Variants in CADM2 observed in about 807,000 individuals in gnomAD.
CADM2 encodes cell adhesion molecule 2.
A neutral mutation model predicts 49.8 loss-of-function variants in CADM2; 12 were observed. That is an observed-to-expected ratio of 0.24 (90% CI 0.15 to 0.39). CADM2 has a LOEUF of 0.39. Ranked by LOEUF, CADM2 falls within the 10% of genes least tolerant of loss-of-function variation. CADM2 has a pLI of 1.00. For synonymous variants in CADM2, 214 were observed against 175.4 expected, an observed-to-expected ratio of 1.22 and a Z score of -1.74; for missense variants, 378 against 492.3, an observed-to-expected ratio of 0.77 and a Z score of 2.20.
intron 8 of CADM2, among the ~76,000 whole-genome samples, chr3:86,056,383 A>C (rs1215013303): frequency 6.6e-6 from 1 of 152,240 alleles, no homozygotes; most frequent in Non-Finnish European, 1.5e-5. Context: ...TTTTCCAAAA[A>C]TAGAAATACC....
chr3:85,660,849 C>T (rs1335656404), intron 1 of CADM2, among the ~76,000 whole-genome samples: 7 of 151,714 alleles, frequency 4.6e-5, no homozygotes, highest in African/African-American at 1.7e-4. Flanking sequence ...TTTTTTCCCT[C>T]CGTCTTTCTC....
At chr3:84,963,619 C>T (rs2030737055) in intron 1 of CADM2, among the ~76,000 whole-genome samples, 1 of 151,990 alleles carries the variant, frequency 6.6e-6, no homozygotes, top group Admixed American at 6.6e-5. Flanking sequence ...TTATTTGTTA[C>T]ATTTAGTAAA....
At position 85,727,322 on chromosome 3, in the gene CADM2, G is replaced by C. The variant is rs149948921; in HGVS notation, c.88+774G>C. Among the ~76,000 whole-genome samples the C allele has an allele frequency of 1.4e-4, 22 of 152,102 alleles. No homozygotes were observed. In the East Asian group the frequency reaches 4.3e-3, roughly 29 times the overall value. On this transcript the variant is annotated intron_variant, in intron 2 of 9. Coordinates refer to ENST00000383699, the MANE Select transcript of CADM2 (RefSeq NM_001167675.2). Reference sequence around the variant, plus strand: ...GTTTTACAGCTAGTTTTAATACTATGACATACGCTCATCTTTGAAGTGTTA... The same window carrying C: ...GTTTTACAGCTAGTTTTAATACTATCACATACGCTCATCTTTGAAGTGTTA...
intron 1 of CADM2, among the ~76,000 whole-genome samples, chr3:85,308,673 A>G (rs185160450): frequency 9.2e-5 from 14 of 152,162 alleles, no homozygotes; most frequent in Admixed American, 7.9e-4. Flanking sequence ...TTTGCAGTGT[A>G]TGAAGACAGA....
chr3:85,909,951 T>G (rs1717342866), intron 5 of CADM2, among the ~76,000 whole-genome samples: 1 of 152,190 alleles, frequency 6.6e-6, no homozygotes, highest in Non-Finnish European at 1.5e-5. Context: ...TCTCAATGTT[T>G]TTTCTGTTCA....
At chr3:85,838,476 T>C (rs1389689942) in intron 3 of CADM2, among the ~76,000 whole-genome samples, 1 of 151,834 alleles carries the variant, frequency 6.6e-6, no homozygotes, top group Non-Finnish European at 1.5e-5. Context: ...TATAAACTGC[T>C]TATTAGCACA....
rs545099967 is a variant in CADM2 at position 85,218,566 on chromosome 3, G to A, written c.61+258898G>A. ...TAATCCCAGCACTTTTGGAGCCCGAGGTGGGTGGATCATGAGATTAAGAGA... is the reference window on the plus strand; with the variant it reads ...TAATCCCAGCACTTTTGGAGCCCGAAGTGGGTGGATCATGAGATTAAGAGA... On this transcript the variant is annotated intron_variant, in intron 1 of 9. Transcript: ENST00000383699. Among the ~76,000 whole-genome samples the A allele has an allele frequency of 3.3e-5, 5 of 152,248 alleles. No individual in the cohort carries two copies. In the East Asian group the frequency reaches 9.7e-4, roughly 29 times the overall value.
chr3:85,088,518 A>G (rs2037469605), intron 1 of CADM2, among the ~76,000 whole-genome samples: 1 of 152,134 alleles, frequency 6.6e-6, no homozygotes, highest in Non-Finnish European at 1.5e-5. Context: ...TCTGGCATAT[A>G]AGATAATATC....
intron 1 of CADM2, among the ~76,000 whole-genome samples, chr3:85,430,270 C>T (rs907922678): frequency 3.3e-5 from 5 of 152,064 alleles, no homozygotes; most frequent in African/African-American, 7.2e-5. Flanking sequence ...TTAGCAAAAT[C>T]CTCCCGTGGA....
intron 1 of CADM2, among the ~76,000 whole-genome samples, chr3:85,663,668 C>G (rs1251983979): frequency 2.6e-5 from 4 of 152,010 alleles, no homozygotes; most frequent in Non-Finnish European, 5.9e-5. Flanking sequence ...ATGGCTCCTT[C>G]TTTTTCCTCC....
At chr3:85,122,823 A>T (rs908524016) in intron 1 of CADM2, among the ~76,000 whole-genome samples, 12 of 151,928 alleles carry the variant, frequency 7.9e-5, no homozygotes, top group Admixed American at 7.9e-4. Flanking sequence ...CTCTTCTTCC[A>T]TTGTATGGCT....
intron 1 of CADM2, among the ~76,000 whole-genome samples, chr3:85,405,980 A>T (rs1485076781): frequency 6.6e-6 from 1 of 151,988 alleles, no homozygotes; most frequent in Non-Finnish European, 1.5e-5. Context: ...ATGCGTGCAT[A>T]TATATGGAAC....
chr3:85,349,214 G>T (rs1310778177), intron 1 of CADM2, among the ~76,000 whole-genome samples: 1 of 152,112 alleles, frequency 6.6e-6, no homozygotes, highest in Non-Finnish European at 1.5e-5. Flanking sequence ...CAGCCTCTCC[G>T]CGTTTATTAA....
intron 8 of CADM2, among the ~76,000 whole-genome samples, chr3:85,999,082 G>C (rs572417817): frequency 6.6e-6 from 1 of 152,202 alleles, no homozygotes; most frequent in Non-Finnish European, 1.5e-5. Flanking sequence ...CTTTGCAATA[G>C]CCAAGTGAAG....
chr3:85,000,280 A>G (rs2107211834), intron 1 of CADM2, among the ~76,000 whole-genome samples: 1 of 151,370 alleles, frequency 6.6e-6, no homozygotes, highest in South Asian at 2.1e-4. Context: ...CGCCCAGCTA[A>G]TTATTTTTTT....
intron 2 of CADM2, among the ~76,000 whole-genome samples, chr3:85,773,156 C>T (rs1373043606): frequency 6.6e-6 from 1 of 151,786 alleles, no homozygotes; most frequent in East Asian, 1.9e-4. Context: ...CTTCTTAAAA[C>T]ACAAAACAAA....
chr3:85,167,705 GC>G (rs375100284), intron 1 of CADM2, among the ~76,000 whole-genome samples: 428 of 152,170 alleles, frequency 2.8e-3, no homozygotes, highest in African/African-American at 9.0e-3. Flanking sequence ...ATTTTAGTTT[GC>G]GTTCAGTACT....
intron 1 of CADM2, among the ~76,000 whole-genome samples, chr3:85,104,810 G>A (rs77848499): frequency 0.022 from 3,287 of 151,488 alleles, 105 homozygotes; most frequent in Admixed American, 0.083. Flanking sequence ...GGATTCCTAG[G>A]TATTTTATTC....
At chr3:85,108,756 T>C (rs1374124658) in intron 1 of CADM2, among the ~76,000 whole-genome samples, 1 of 152,094 alleles carries the variant, frequency 6.6e-6, no homozygotes, top group African/African-American at 2.4e-5. Flanking sequence ...AACTTTACAA[T>C]AAATTGTTAC....
Sources: allele counts gnomAD v4.1 joint callset (sites outside exome capture counted in the v4.1 genomes callset), GRCh38; gene constraint gnomAD v4.1.1; transcripts MANE v1.5; gene names NCBI Gene and HGNC (gene_info 2026-07-23, HGNC 2026-07-21).